The following NOS1AP variants were observed in gnomAD, a reference collection of about 807,000 sequenced individuals.
NOS1AP encodes nitric oxide synthase 1 adaptor protein, also known as carboxyl-terminal PDZ ligand of neuronal nitric oxide synthase protein.
A neutral mutation model predicts 56.2 loss-of-function variants in NOS1AP; 21 were observed. The observed-to-expected ratio is 0.37, with a 90% CI of 0.26 to 0.54. The LOEUF is 0.54. NOS1AP is among the 20% of genes least tolerant of loss of function. The pLI is 0.84. For missense variants in NOS1AP, 522 were observed against 657.8 expected (o/e 0.79, Z 2.26); for synonymous variants, 270 against 274.6 (o/e 0.98, Z 0.17).
At chr1:162,089,737 G>A (rs979056219) in intron 1 of NOS1AP, among the ~76,000 whole-genome samples, 3 of 152,320 alleles carry the variant, frequency 2.0e-5, no homozygotes, top group Non-Finnish European at 4.4e-5. Context: ...AGATATTGGA[G>A]TGATGTGGCC....
chr1:162,302,905 A>G (rs1387829080), intron 4 of NOS1AP, among the ~76,000 whole-genome samples: 1 of 152,192 alleles, frequency 6.6e-6, no homozygotes, highest in African/African-American at 2.4e-5. Flanking sequence ...TGTAAATAGA[A>G]TCAACAGTAT....
chr1:162,273,433 G>A (rs545015586), intron 2 of NOS1AP, among the ~76,000 whole-genome samples: 1 of 152,278 alleles, frequency 6.6e-6, no homozygotes, highest in East Asian at 1.9e-4. Context: ...CCGAAGTGCT[G>A]GTATTACAGG....
chr1:162,193,246 C>T (rs180869098), intron 2 of NOS1AP, among the ~76,000 whole-genome samples: 12 of 152,248 alleles, frequency 7.9e-5, no homozygotes, highest in East Asian at 5.8e-4. Context: ...TCTAGATCCC[C>T]GAAGTGACAG....
intron 1 of NOS1AP, among the ~76,000 whole-genome samples, chr1:162,145,735 A>ATGGGC (rs1175177367): frequency 6.6e-6 from 1 of 152,138 alleles, no homozygotes; most frequent in African/African-American, 2.4e-5. Context: ...ACTAACTCAG[A>ATGGGC]TGGGCAATCT....
chr1:162,345,447 A>G (rs191594769), intron 6 of NOS1AP, among the ~76,000 whole-genome samples: 344 of 152,114 alleles, frequency 2.3e-3, no homozygotes, highest in Admixed American at 4.1e-3. Flanking sequence ...GAGAATGATG[A>G]TTTCTAACAG....
intron 2 of NOS1AP, among the ~76,000 whole-genome samples, chr1:162,160,691 G>C (rs1538018): frequency 0.22 from 34,105 of 152,052 alleles, 3,934 homozygotes; most frequent in Non-Finnish European, 0.24. Flanking sequence ...TTACTCCTTT[G>C]TCATTGTTCT....
At chr1:162,211,141 A>G (rs1489753990) in intron 2 of NOS1AP, among the ~76,000 whole-genome samples, 2 of 152,236 alleles carry the variant, frequency 1.3e-5, no homozygotes, top group Non-Finnish European at 2.9e-5. Flanking sequence ...GACTGGAGAG[A>G]GCCAGCAGGC....
chr1:162,140,053 C>T (rs905180058), intron 1 of NOS1AP, among the ~76,000 whole-genome samples: 3 of 152,090 alleles, frequency 2.0e-5, no homozygotes, highest in African/African-American at 4.8e-5. Context: ...GGTCTTGAAC[C>T]CCTAGCCTCA....
At chr1:162,164,357 G>A (rs1358966315) in intron 2 of NOS1AP, among the ~76,000 whole-genome samples, 2 of 152,182 alleles carry the variant, frequency 1.3e-5, no homozygotes, top group East Asian at 1.9e-4. Flanking sequence ...GCACACATAT[G>A]TATATGCACA....
At chr1:162,180,405 C>CA (rs1651214880) in intron 2 of NOS1AP, among the ~76,000 whole-genome samples, 1 of 151,806 alleles carries the variant, frequency 6.6e-6, no homozygotes, top group South Asian at 2.1e-4. Context: ...CCACCACGGC[C>CA]AGCTAATTTT....
chr1:162,102,041 T>G (rs1234821282), intron 1 of NOS1AP, among the ~76,000 whole-genome samples: 1 of 152,182 alleles, frequency 6.6e-6, no homozygotes, highest in Non-Finnish European at 1.5e-5. Flanking sequence ...GGGGGAATGC[T>G]TCTAGCTTTT....
At chr1:162,310,385 C>T (rs886176409) in intron 4 of NOS1AP, among the ~76,000 whole-genome samples, 1 of 152,182 alleles carries the variant, frequency 6.6e-6, no homozygotes, top group Non-Finnish European at 1.5e-5. Flanking sequence ...TTTGAGCAGC[C>T]TTTGCTAAAC....
chr1:162,314,087 A>C (rs1275564900), intron 4 of NOS1AP, among the ~76,000 whole-genome samples: 1 of 152,212 alleles, frequency 6.6e-6, no homozygotes, highest in East Asian at 1.9e-4. Flanking sequence ...GCACTAAAAT[A>C]TTCATCTCAA....
At chr1:162,366,241 T>C (rs944400937) in intron 9 of NOS1AP, among the ~76,000 whole-genome samples, 2 of 152,166 alleles carry the variant, frequency 1.3e-5, no homozygotes, top group African/African-American at 4.8e-5. Flanking sequence ...TCAGAGTGTG[T>C]GTGGGCTGTG....
intron 1 of NOS1AP, among the ~76,000 whole-genome samples, chr1:162,072,059 C>CAGATAGTT (rs1691670703): frequency 7.1e-6 from 1 of 141,588 alleles, no homozygotes; most frequent in Admixed American, 7.1e-5. Flanking sequence ...GACCCTGTCT[C>CAGATAGTT]AGATAGATAG....
At chr1:162,288,080 G>A (rs185203696) in intron 3 of NOS1AP, among the ~76,000 whole-genome samples, 4 of 152,274 alleles carry the variant, frequency 2.6e-5, no homozygotes. Flanking sequence ...TGTCTGTTTT[G>A]TGCCAGTTGT....
At chr1:162,165,539 A>G (rs1170242414) in intron 2 of NOS1AP, among the ~76,000 whole-genome samples, 1 of 152,188 alleles carries the variant, frequency 6.6e-6, no homozygotes, top group Non-Finnish European at 1.5e-5. Context: ...AAGAGGTTAA[A>G]TAACTTGCCA....
At chr1:162,344,171 A>G (rs1657202001) in intron 6 of NOS1AP, among the ~76,000 whole-genome samples, 195 bp downstream of exon 6, 2 of 152,258 alleles carry the variant, frequency 1.3e-5, no homozygotes, top group Admixed American at 1.3e-4. Flanking sequence ...TGTTTAAATT[A>G]TTAAATGAGG....
At chr1:162,354,834 G>A (rs1040576174) in intron 6 of NOS1AP, among the ~76,000 whole-genome samples, 4 of 152,202 alleles carry the variant, frequency 2.6e-5, no homozygotes, top group African/African-American at 9.6e-5. Context: ...CCCGGGCCAG[G>A]GCCCTTTCCC....
Sources: gnomAD v4.1 joint callset for allele counts (sites outside exome capture counted in the v4.1 genomes callset) on GRCh38, gnomAD v4.1.1 for gene constraint, MANE v1.5 for transcripts, NCBI Gene and HGNC (gene_info 2026-07-23, HGNC 2026-07-21) for gene names.